The following EXD1 variants were observed in gnomAD, a reference collection of about 807,000 sequenced individuals.
EXD1 encodes exonuclease 3'-5' domain containing 1, also known as piRNA biogenesis protein EXD1.
EXD1 carries 63 observed loss-of-function variants against 49.1 expected under a neutral mutation model. That is an observed-to-expected ratio of 1.28 (90% confidence interval 1.05 to 1.58). EXD1 has a LOEUF of 1.58. Ranked by LOEUF, EXD1 falls within the 40% of genes most tolerant of loss-of-function variation. EXD1 has a pLI of 0.00. For missense variants in EXD1, 748 were observed against 666.0 expected (o/e 1.12, Z -1.36); for synonymous variants, 234 against 239.2 (o/e 0.98, Z 0.20).
In EXD1 at chr15:41,204,815, C is replaced by T. The variant is rs147840302; in HGVS notation, c.534+4686G>A. On this transcript the variant is annotated intron_variant, in intron 7 of 11. Coordinates refer to ENST00000458580, the MANE Select transcript of EXD1 (RefSeq NM_001286441.2). ...ACATATAGATAAAACTTTCCCTCTG[C>T]CTCTGTATGTAAAAAAGGGCCATAA... Among the ~76,000 whole-genome samples, 229 of 152,216 alleles carry T rather than the reference C, an allele frequency of 1.5e-3. 1 individual carries two copies. The highest frequency in any genetic ancestry group is 5.3e-3 in the African/African-American group (222 of 41,518).
At chr15:41,207,994 G>C (rs1003455445) in intron 7 of EXD1, among the ~76,000 whole-genome samples, 3 of 146,710 alleles carry the variant, frequency 2.0e-5, no homozygotes, top group Admixed American at 6.9e-5. Context: ...CCATGCAACA[G>C]AGCGAGACCC....
At chr15:41,206,618 C>CTTTTTTTTT (rs764744329) in intron 7 of EXD1, among the ~76,000 whole-genome samples, 3 of 101,192 alleles carry the variant, frequency 3.0e-5, no homozygotes, top group African/African-American at 3.7e-5. Context: ...TTATTCAATT[C>CTTTTTTTTT]TTTTTTTTTT....
At chr15:41,217,725 G>A (rs905426923) in intron 3 of EXD1, among the ~76,000 whole-genome samples, 1 of 151,876 alleles carries the variant, frequency 6.6e-6, no homozygotes, top group Non-Finnish European at 1.5e-5. Flanking sequence ...TAGTAGAGAC[G>A]GGGTTTCACC....
intron 7 of EXD1, among the ~76,000 whole-genome samples, chr15:41,207,024 C>T (rs1488088181): frequency 7.5e-6 from 1 of 133,396 alleles, no homozygotes; most frequent in Non-Finnish European, 1.6e-5. Context: ...GGGCAGATCA[C>T]GAGGTAAGGA....
At chr15:41,207,332 G>A (rs901803476) in intron 7 of EXD1, among the ~76,000 whole-genome samples, 6 of 149,640 alleles carry the variant, frequency 4.0e-5, no homozygotes, top group Non-Finnish European at 6.0e-5. Context: ...ACCTGAGGTC[G>A]GGAGTTCGAG....
At chr15:41,215,912 C>T (rs2140892451) in intron 5 of EXD1, 79 bp from the exon 6 acceptor site, 2 of 1,413,878 alleles carry the variant, frequency 1.4e-6, no homozygotes, top group Middle Eastern at 1.8e-4. Context: ...TGGCCACACT[C>T]ATATATTCCT....
At position 41,204,141 on chromosome 15, in the gene EXD1, G is replaced by A. The variant is rs149812848; in HGVS notation, c.534+5360C>T. ...CATGCACTTGTAGTCCCAGCTACTC[G>A]GGAGGCTGAGGCAGGAGAATTGCTT... On this transcript the variant is annotated intron_variant, in intron 7 of 11. Transcript: ENST00000458580. 3.5e-3 allele frequency among the ~76,000 whole-genome samples: 530 copies of A among 151,148 alleles called. 5 individuals carry two copies. The highest frequency in any genetic ancestry group is 0.012 in the African/African-American group (481 of 41,148).
intron 1 of EXD1, among the ~76,000 whole-genome samples, chr15:41,227,016 A>G (rs896101918): frequency 6.6e-6 from 1 of 152,218 alleles, no homozygotes; most frequent in African/African-American, 2.4e-5. Flanking sequence ...ACATGTTGCA[A>G]TAAATTGTTT....
chr15:41,230,391 TA>T, intron 1 of EXD1, 87 bp downstream of exon 1: 1 of 1,447,168 alleles, frequency 6.9e-7, no homozygotes, highest in Non-Finnish European at 9.7e-7. Flanking sequence ...CCTACCTTTT[TA>T]ATCAAAACAA....
chr15:41,189,300 G>A (rs567317838), intron 11 of EXD1, among the ~76,000 whole-genome samples: 18 of 151,904 alleles, frequency 1.2e-4, no homozygotes, highest in African/African-American at 2.7e-4. Flanking sequence ...CCCAGGAGGC[G>A]GAGGCTACAG....
chr15:41,223,873 AG>A (rs1212757286), intron 2 of EXD1, among the ~76,000 whole-genome samples: 1 of 152,106 alleles, frequency 6.6e-6, no homozygotes, highest in Non-Finnish European at 1.5e-5. Flanking sequence ...TCAAAAAAAA[AG>A]AAAAAATTAA....
intron 7 of EXD1, among the ~76,000 whole-genome samples, chr15:41,206,682 C>T (rs1180109834): frequency 7.7e-6 from 1 of 129,574 alleles, no homozygotes; most frequent in Non-Finnish European, 1.6e-5. Flanking sequence ...AGTGCAGTGG[C>T]ACAATCTCGG....
At chr15:41,211,791 T>C (rs2046924737) in intron 6 of EXD1, among the ~76,000 whole-genome samples, 1 of 110,878 alleles carries the variant, frequency 9.0e-6, no homozygotes, top group Non-Finnish European at 1.7e-5. Flanking sequence ...AAGACCTCAT[T>C]TCTTAAAAAA....
At chr15:41,194,292 T>A (rs1050802083) in intron 9 of EXD1, among the ~76,000 whole-genome samples, 1 of 152,114 alleles carries the variant, frequency 6.6e-6, no homozygotes, top group African/African-American at 2.4e-5. Context: ...ATTACAGGTG[T>A]GAGCCACCGT....
At position 41,202,475 on chromosome 15, in the gene EXD1, C is replaced by CAT. The variant is rs199908904; in HGVS notation, c.535-6440_535-6439dup. Among the ~76,000 whole-genome samples, 757 of 151,622 alleles carry CAT rather than the reference C, an allele frequency of 5.0e-3. 6 individuals are homozygous for CAT. Among genetic ancestry groups the CAT allele is most frequent in the African/African-American group, 0.018 (730 of 41,356 alleles). ...TACAGGTGTGAGCCACCGCACCCAG[C>CAT]ATATATATATATTTGAGATGGTCTT... On this transcript the variant is annotated intron_variant, in intron 7 of 11. Transcript: ENST00000458580.
At position 41,191,553 on chromosome 15, in the gene EXD1, C is replaced by T. The variant is rs777751851; in HGVS notation, c.753G>A (p.Thr251=). The T allele has an allele frequency of 8.7e-6, 14 of 1,613,834 alleles. No homozygotes were observed. In the Admixed American group the frequency reaches 1.0e-4, roughly 12 times the overall value. Residue 251 remains threonine, a synonymous_variant, in exon 10 of 12, where the codon ACG becomes ACA. Coordinates refer to ENST00000458580, the MANE Select transcript of EXD1 (RefSeq NM_001286441.2). ...VADVLQFSME[T]GGYLPNCITT... is the part of the protein sequence containing the mutation. ...TGATGCAGTTTGGAAGATAGCCACC[C>T]GTTTCCATGGAAAACTGAAGTACAT...
chr15:41,193,448 GA>G (rs963359629), intron 9 of EXD1, among the ~76,000 whole-genome samples: 61 of 152,064 alleles, frequency 4.0e-4, no homozygotes, highest in African/African-American at 1.2e-3. Context: ...TTCTGGGGGG[GA>G]AAAAAATGGG....
At chr15:41,229,206 G>A (rs528271821) in intron 1 of EXD1, among the ~76,000 whole-genome samples, 2 of 152,336 alleles carry the variant, frequency 1.3e-5, no homozygotes, top group Admixed American at 6.5e-5. Flanking sequence ...GGCCGGGCAC[G>A]GGGACTCACG....
intron 9 of EXD1, among the ~76,000 whole-genome samples, chr15:41,193,867 G>A (rs936315731): frequency 6.6e-6 from 1 of 151,916 alleles, no homozygotes; most frequent in Non-Finnish European, 1.5e-5. Flanking sequence ...GGCCCCCAAA[G>A]ATAACTTCTT....
Sources: gnomAD v4.1 joint callset for allele counts (sites outside exome capture counted in the v4.1 genomes callset) on GRCh38, gnomAD v4.1.1 for gene constraint, MANE v1.5 for transcripts, NCBI Gene and HGNC (gene_info 2026-07-23, HGNC 2026-07-21) for gene names.